COBL: variants seen among roughly 807,000 people sequenced by gnomAD.
COBL encodes the protein cordon-bleu WH2 repeat protein, also known as protein cordon-bleu.
A neutral mutation model predicts 98.8 loss-of-function variants in COBL; 51 were observed. The ratio of observed to expected loss-of-function variants is 0.52; its 90% confidence interval spans 0.41 to 0.65. The LOEUF (loss-of-function observed/expected upper bound fraction) is 0.65, where lower values mean the gene tolerates loss of function less well. COBL is among the 30% of genes least tolerant of loss of function. The pLI, the probability that COBL is intolerant of heterozygous loss-of-function variation, is 0.00. For synonymous variants in COBL, 634 were observed against 651.7 expected, an observed-to-expected ratio of 0.97 and a Z score of 0.41; for missense variants, 1,617 against 1,617.5, an observed-to-expected ratio of 1.00 and a Z score of 0.01.
chr7:51,185,241 G>C (rs1345954603), intron 4 of COBL, among the ~76,000 whole-genome samples: 1 of 152,216 alleles, frequency 6.6e-6, no homozygotes, highest in Non-Finnish European at 1.5e-5. Context: ...GAACTTATGA[G>C]AGATGCGAAT....
At chr7:51,059,723 C>T (rs1791133646) in intron 7 of COBL, among the ~76,000 whole-genome samples, 1 of 152,116 alleles carries the variant, frequency 6.6e-6, no homozygotes, top group Non-Finnish European at 1.5e-5. Flanking sequence ...GGTGAGGGCA[C>T]TGTCTCCCAG....
intron 5 of COBL, 44 bp from the exon 6 acceptor site, chr7:51,136,375 G>A: frequency 6.4e-7 from 1 of 1,570,110 alleles, no homozygotes; most frequent in Non-Finnish European, 8.6e-7. Context: ...AGTATGAGAT[G>A]ACTTCTCCCC....
At chr7:51,165,664 A>G (rs1290302313) in intron 5 of COBL, among the ~76,000 whole-genome samples, 1 of 152,012 alleles carries the variant, frequency 6.6e-6, no homozygotes, top group Non-Finnish European at 1.5e-5. Flanking sequence ...CAGAATACAC[A>G]TTATTTTCCT....
At chr7:51,102,397 G>A (rs992429634) in intron 6 of COBL, among the ~76,000 whole-genome samples, 1 of 152,108 alleles carries the variant, frequency 6.6e-6, no homozygotes, top group Non-Finnish European at 1.5e-5. Context: ...GTGTTTAAGG[G>A]GGAGGGAAGT....
At chr7:51,050,304 C>T (rs368876581) in intron 7 of COBL, among the ~76,000 whole-genome samples, 2 of 152,186 alleles carry the variant, frequency 1.3e-5, no homozygotes, top group Non-Finnish European at 2.9e-5. Flanking sequence ...AGAATCTTAA[C>T]GTGCCTATTA....
At position 51,301,364 on chromosome 7, in the gene COBL, C is replaced by T. The variant is rs144027729; in HGVS notation, c.41+15229G>A. Among the ~76,000 whole-genome samples the T allele has an allele frequency of 3.7e-3, 569 of 152,342 alleles. 1 individual carries two copies. Among genetic ancestry groups the T allele is most frequent in the African/African-American group, 0.013 (546 of 41,590 alleles). Reference sequence around the variant, plus strand: ...CTATCTGAGCAGGAGCCTCACAGCCCGTGCTCTCCACTCTGTGACGGGGAA... The same window carrying T: ...CTATCTGAGCAGGAGCCTCACAGCCTGTGCTCTCCACTCTGTGACGGGGAA... On this transcript the variant is annotated intron_variant, in intron 1 of 12. Transcript: ENST00000265136.
At chr7:51,120,728 T>C (rs1482320845) in intron 6 of COBL, among the ~76,000 whole-genome samples, 2 of 152,162 alleles carry the variant, frequency 1.3e-5, no homozygotes, top group Admixed American at 6.6e-5. Flanking sequence ...TGGAATCACA[T>C]GGCATTTGTG....
intron 4 of COBL, among the ~76,000 whole-genome samples, chr7:51,189,461 C>T (rs1249632097): frequency 2.0e-5 from 3 of 152,086 alleles, no homozygotes; most frequent in Admixed American, 1.3e-4. Flanking sequence ...TGGTGAAACC[C>T]CGTCTCTACT....
At chr7:51,119,814 C>T (rs1427691654) in intron 6 of COBL, among the ~76,000 whole-genome samples, 1 of 152,150 alleles carries the variant, frequency 6.6e-6, no homozygotes, top group Non-Finnish European at 1.5e-5. Context: ...TCTATTAATA[C>T]ATTAACTCTT....
chr7:51,031,017 A>T lies in COBL; in HGVS notation c.1407-108T>A. 3 of 773,854 alleles carry T rather than the reference A, an allele frequency of 3.9e-6. No homozygotes were observed. The East Asian group carries it at 7.6e-5, about 20-fold the overall frequency. 47.9% of individuals were successfully genotyped at this position (773,854 alleles called of 1,614,324 possible). A position where few individuals can be genotyped will look rare whatever the true frequency, so the allele number is the denominator to read the frequency against. On this transcript the variant is annotated intron_variant, in intron 8 of 12. Transcript: ENST00000265136. ...GAACAGCTCATACTCAAATTCAAGC[A>T]GTCACATACTCACTGTACTGCTGTT...
intron 12 of COBL, among the ~76,000 whole-genome samples, chr7:51,017,954 G>A (rs1013654127): frequency 6.6e-6 from 1 of 152,194 alleles, no homozygotes; most frequent in Admixed American, 6.5e-5. Flanking sequence ...GATGTGGGAC[G>A]AGTTACCCTC....
chr7:51,137,939 A>C (rs1173341096), intron 5 of COBL, among the ~76,000 whole-genome samples: 2 of 152,264 alleles, frequency 1.3e-5, no homozygotes, highest in Non-Finnish European at 2.9e-5. Flanking sequence ...CATATTAAAC[A>C]ATAGCCCAGT....
At chr7:51,298,505 G>T (rs1208311496) in intron 1 of COBL, among the ~76,000 whole-genome samples, 4 of 152,192 alleles carry the variant, frequency 2.6e-5, no homozygotes, top group Non-Finnish European at 4.4e-5. Context: ...TAACACATGG[G>T]CTGGGGCCAC....
intron 1 of COBL, among the ~76,000 whole-genome samples, chr7:51,247,358 G>A (rs2129132153): frequency 6.6e-6 from 1 of 152,262 alleles, no homozygotes; most frequent in East Asian, 1.9e-4. Context: ...TCAACTATCA[G>A]AACCAGTCTT....
intron 6 of COBL, among the ~76,000 whole-genome samples, chr7:51,108,443 G>A (rs1041300639): frequency 6.6e-6 from 1 of 152,196 alleles, no homozygotes; most frequent in Non-Finnish European, 1.5e-5. Flanking sequence ...GAATACTCAC[G>A]TGCATGGCTT....
chr7:51,041,478 C>CTTTTTTTTTTTTT lies in COBL; in HGVS notation c.1406+1892_1406+1904dup, dbSNP rs773830122. Reference sequence around the variant, plus strand: ...TAAATCAGTTTACCTTATTTCTTTCCTTTTTTTTTTTTTTTTTTTTTTTGA... The same window carrying CTTTTTTTTTTTTT: ...TAAATCAGTTTACCTTATTTCTTTCCTTTTTTTTTTTTTTTTTTTTTTTTTTTTTTTTTTTTGA... On this transcript the variant is annotated intron_variant, in intron 8 of 12. Coordinates refer to ENST00000265136, the MANE Select transcript of COBL (RefSeq NM_015198.5). Among the ~76,000 whole-genome samples the CTTTTTTTTTTTTT allele has an allele frequency of 6.0e-4, 48 of 80,022 alleles. 1 individual carries two copies. Among genetic ancestry groups the CTTTTTTTTTTTTT allele is most frequent in the East Asian group, 1.2e-3 (3 of 2,468 alleles). 52.5% of individuals were successfully genotyped at this position (80,022 alleles called of 152,430 possible).
chr7:51,069,547 G>A (rs1792300494), intron 7 of COBL, among the ~76,000 whole-genome samples: 1 of 152,206 alleles, frequency 6.6e-6, no homozygotes, highest in Non-Finnish European at 1.5e-5. Context: ...TGAGCCCTTT[G>A]GGAAGGCTCT....
intron 5 of COBL, among the ~76,000 whole-genome samples, chr7:51,164,719 A>G (rs184169071): frequency 1.3e-5 from 2 of 152,254 alleles, no homozygotes; most frequent in East Asian, 3.9e-4. Context: ...ACAGAATATG[A>G]TAACACTGTA....
chr7:51,036,336 C>CAAAAA (rs59610375), intron 8 of COBL, among the ~76,000 whole-genome samples: 9 of 94,210 alleles, frequency 9.6e-5, no homozygotes, highest in African/African-American at 1.7e-4. Flanking sequence ...GACTCCGTCT[C>CAAAAA]AAAAAAAAAA....
Sources: gnomAD v4.1 joint callset for allele counts (sites outside exome capture counted in the v4.1 genomes callset) on GRCh38, gnomAD v4.1.1 for gene constraint, MANE v1.5 for transcripts, NCBI Gene and HGNC (gene_info 2026-07-23, HGNC 2026-07-21) for gene names.